The following DLD variants were observed in gnomAD, a reference collection of about 807,000 sequenced individuals.
DLD encodes dihydrolipoyl dehydrogenase, mitochondrial.
In DLD, 36 loss-of-function variants were observed where a neutral mutation model predicts 62.2. The observed-to-expected ratio is 0.58, with a 90% CI of 0.44 to 0.76. The LOEUF (loss-of-function observed/expected upper bound fraction) is 0.76. Among genes scored for constraint, DLD ranks in the 30% least tolerant of loss-of-function variants. The pLI is 0.00. For missense variants in DLD, 541 were observed against 608.6 expected (o/e 0.89, Z 1.17); for synonymous variants, 204 against 199.6 (o/e 1.02, Z -0.19).
intron 3 of DLD, 89 bp from the exon 4 acceptor site, chr7:107,902,236 T>C: frequency 8.8e-7 from 1 of 1,139,328 alleles, no homozygotes; most frequent in Non-Finnish European, 1.3e-6. Flanking sequence ...TAGCTTGTTT[T>C]GTAGAAGAAT....
intron 3 of DLD, 117 bp from the exon 4 acceptor site, chr7:107,902,208 G>A (rs896842864): frequency 1.1e-6 from 1 of 914,410 alleles, no homozygotes; most frequent in South Asian, 1.4e-5. Flanking sequence ...ATTTTAGTCT[G>A]TGAAAACATA....
Position 107,906,339 on chromosome 7 carries a change from A to G in DLD, c.655A>G (p.Ile219Val), listed in dbSNP as rs2032006878. 2 of 1,610,856 alleles carry G rather than the reference A, an allele frequency of 1.2e-6. No homozygotes were observed. The highest frequency in any genetic ancestry group is 1.7e-6 in the Non-Finnish European group (2 of 1,177,304). ...LKKVPEKMVV[I>V]GAGVIGVELG... ...AAAAGTTCCAGAAAAGATGGTTGTTATTGGTGCAGGAGTAATAGGTGTAGA... is the reference window on the plus strand; with the variant it reads ...AAAAGTTCCAGAAAAGATGGTTGTTGTTGGTGCAGGAGTAATAGGTGTAGA... Residue 219 changes from isoleucine (I) to valine (V), a missense_variant, in exon 8 of 14, where the codon ATT becomes GTT. Ile to Val is a conservative substitution (Grantham distance 29). Coordinates refer to ENST00000205402, the MANE Select transcript of DLD (RefSeq NM_000108.5).
At chr7:107,899,637 A>G (rs2031827361) in intron 2 of DLD, among the ~76,000 whole-genome samples, 1 of 152,086 alleles carries the variant, frequency 6.6e-6, no homozygotes, top group Admixed American at 6.5e-5. Context: ...GGAGAATTAT[A>G]GCAGTAATAT....
At chr7:107,914,206 T>C (rs1228854143) in intron 8 of DLD, among the ~76,000 whole-genome samples, 1 of 152,118 alleles carries the variant, frequency 6.6e-6, no homozygotes, top group African/African-American at 2.4e-5. Flanking sequence ...ATATCTTCCC[T>C]CTTCAGACAT....
At chr7:107,911,119 A>G (rs193072180) in intron 8 of DLD, among the ~76,000 whole-genome samples, 87 of 152,302 alleles carry the variant, frequency 5.7e-4, no homozygotes, top group Non-Finnish European at 1.1e-3. Context: ...TCACCCTAAA[A>G]GAAACTTGCT....
At chr7:107,911,024 C>T (rs1457144942) in intron 8 of DLD, among the ~76,000 whole-genome samples, 1 of 152,122 alleles carries the variant, frequency 6.6e-6, no homozygotes. Flanking sequence ...TCAGTTCACC[C>T]ATTTAAAATG....
chr7:107,891,204 C>T lies in DLD; in HGVS notation c.-47C>T, dbSNP rs575370798. Reference sequence around the variant, plus strand: ...AGACCTTGGCGGAGCGGCGGAGGCGCCCAGCGGAGGTGAAAGTATTGGCGG... The same window carrying T: ...AGACCTTGGCGGAGCGGCGGAGGCGTCCAGCGGAGGTGAAAGTATTGGCGG... On this transcript the variant is annotated 5_prime_UTR_variant, in exon 1 of 14. Transcript: ENST00000205402. 4 of 1,612,476 alleles carry T rather than the reference C, an allele frequency of 2.5e-6. No homozygotes were observed. The highest frequency in any genetic ancestry group is 2.7e-5 in the African/African-American group (2 of 75,032).
chr7:107,918,373 C>G (rs951944500), intron 12 of DLD, among the ~76,000 whole-genome samples: 1 of 152,180 alleles, frequency 6.6e-6, no homozygotes, highest in African/African-American at 2.4e-5. Flanking sequence ...CTGTTTGTGC[C>G]TACTTCTCTG....
chr7:107,918,778 A>G lies in DLD; in HGVS notation c.1375-232A>G, dbSNP rs76408129. ...AAACTGAATGAAGCACAAAGAACCA[A>G]TGAATGGTTAAGGTAGTAAGTGGTA... On this transcript the variant is annotated intron_variant, in intron 12 of 13. Transcript: ENST00000205402. Among the ~76,000 whole-genome samples the G allele has an allele frequency of 4.1e-3, 628 of 152,344 alleles. 9 individuals are homozygous for G. Among genetic ancestry groups the G allele is most frequent in the African/African-American group, 0.014 (596 of 41,578 alleles).
Position 107,903,471 on chromosome 7 carries a change from C to T in DLD, c.268-7C>T, listed in dbSNP as rs1584463325. 2 of 1,531,426 alleles carry T rather than the reference C, an allele frequency of 1.3e-6. No homozygotes were observed. The highest frequency in any genetic ancestry group is 1.8e-6 in the Non-Finnish European group (2 of 1,106,228). 94.9% of individuals were successfully genotyped at this position (1,531,426 alleles called of 1,614,324 possible). On this transcript the variant is annotated splice_region_variant and splice_polypyrimidine_tract_variant and intron_variant, in intron 4 of 13. Coordinates refer to ENST00000205402, the MANE Select transcript of DLD (RefSeq NM_000108.5). The stretch of plus-strand genomic sequence containing the variant: ...TTTGATAATTTGATCTTTTTAATTT[C>T]CTTTAGGCTTTATTGAACAACTCTC...
intron 8 of DLD, among the ~76,000 whole-genome samples, chr7:107,913,283 T>C (rs1314039826): frequency 2.6e-5 from 4 of 152,162 alleles, no homozygotes; most frequent in African/African-American, 7.2e-5. Context: ...TTGAATATCA[T>C]TGGTAGTTTA....
At chr7:107,901,476 G>A (rs542303587) in intron 2 of DLD, among the ~76,000 whole-genome samples, 5 of 152,104 alleles carry the variant, frequency 3.3e-5, no homozygotes, top group African/African-American at 1.2e-4. Context: ...TACAATGTGA[G>A]TGTTACAGAA....
chr7:107,900,351 T>C (rs757847336), intron 2 of DLD, among the ~76,000 whole-genome samples: 22 of 152,156 alleles, frequency 1.4e-4, no homozygotes, highest in Non-Finnish European at 2.5e-4. Flanking sequence ...GTCTTCTTTG[T>C]AGGTCAGAAT....
rs770954029 is a variant in DLD, at chr7:107,905,369, T to C, written c.447T>C (p.His149=). Residue 149 remains histidine, a synonymous_variant, in exon 7 of 14, where the codon CAT becomes CAC. Transcript: ENST00000205402. Reference sequence around the variant, plus strand: ...AAGATTATTTTGTAAAGGTTGTTCATGTCAATGGATATGGAAAGATAACTG... The same window carrying C: ...AAGATTATTTTGTAAAGGTTGTTCACGTCAATGGATATGGAAAGATAACTG... ...AHLFKQNKVV[H]VNGYGKITGK... is the part of the protein sequence containing the mutation. The C allele has an allele frequency of 1.2e-6, 2 of 1,613,228 alleles. No individual in the cohort carries two copies. Among genetic ancestry groups the C allele is most frequent in the Non-Finnish European group, 1.7e-6 (2 of 1,179,364 alleles).
At chr7:107,908,701 T>G (rs1378724429) in intron 8 of DLD, among the ~76,000 whole-genome samples, 1 of 151,502 alleles carries the variant, frequency 6.6e-6, no homozygotes, top group Non-Finnish European at 1.5e-5. Flanking sequence ...AAAAATCAGC[T>G]TTTAAGTTAT....
At chr7:107,896,828 TTTTG>T (rs988199505) in intron 2 of DLD, among the ~76,000 whole-genome samples, 1 of 150,826 alleles carries the variant, frequency 6.6e-6, no homozygotes. Flanking sequence ...AAAAATCTGG[TTTTG>T]TTTTTGTTTG....
intron 9 of DLD, 108 bp from the exon 10 acceptor site, chr7:107,916,686 C>CAA (rs1338377947): frequency 9.6e-5 from 118 of 1,235,182 alleles, no homozygotes; most frequent in Non-Finnish European, 8.9e-5. Context: ...CAAAACAAAA[C>CAA]AAAAATGAAA....
intron 11 of DLD, 71 bp from the exon 12 acceptor site, chr7:107,917,853 G>A: frequency 6.3e-7 from 1 of 1,584,810 alleles, no homozygotes; most frequent in East Asian, 2.2e-5. Context: ...TGAACAAATG[G>A]TAGATGATTT....
chr7:107,895,799 C>T (rs969962253), intron 2 of DLD, among the ~76,000 whole-genome samples: 36 of 152,262 alleles, frequency 2.4e-4, no homozygotes, highest in African/African-American at 8.2e-4. Context: ...GAGTAACTCT[C>T]GTTACAGGTT....
Sources: gnomAD v4.1 joint callset for allele counts (sites outside exome capture counted in the v4.1 genomes callset) on GRCh38, gnomAD v4.1.1 for gene constraint, MANE v1.5 for transcripts, NCBI Gene and HGNC (gene_info 2026-07-23, HGNC 2026-07-21) for gene names.